Variants in MAP2 observed in about 807,000 individuals in gnomAD.
The protein encoded by MAP2 is microtubule associated protein 2.
A neutral mutation model predicts 137.6 loss-of-function variants in MAP2; 14 were observed. The observed-to-expected ratio is 0.10, with a 90% CI of 0.07 to 0.16. MAP2 has a LOEUF of 0.16. MAP2 is among the 10% of genes least tolerant of loss of function. The probability of loss-of-function intolerance (pLI) is 1.00; values close to 1 mark genes in which losing one functional copy is unlikely to be tolerated. For missense variants in MAP2, 2,088 were observed against 2,191.5 expected (o/e 0.95, Z 0.94); for synonymous variants, 786 against 782.3 (o/e 1.00, Z -0.08).
chr2:209,695,560 C>T lies in MAP2; in HGVS notation c.3390C>T (p.Ser1130=). The change falls in exon 8 of 16, where the codon TCC becomes TCT. Residue 1130 remains serine (S), a synonymous_variant. Transcript: ENST00000682079. ...AGGAGGCTGTAGACAAGGAGGAGTC[C>T]TATGAATCTAGTGGTGAGCATGAAA... The part of the protein sequence containing the change: ...VHQEAVDKEE[S]YESSGEHESL... 6.2e-7 allele frequency: 1 copy of T among 1,613,986 alleles called. No homozygotes were observed. The highest frequency in any genetic ancestry group is 2.2e-5 in the East Asian group (1 of 44,862).
chr2:209,524,305 TTTC>T (rs2063708822), intron 2 of MAP2, among the ~76,000 whole-genome samples: 1 of 152,110 alleles, frequency 6.6e-6, no homozygotes, highest in African/African-American at 2.4e-5. Context: ...GCAGAAGTAG[TTTC>T]TTTAGTCTTT....
intron 2 of MAP2, among the ~76,000 whole-genome samples, chr2:209,569,741 T>G (rs1226995223): frequency 6.6e-6 from 1 of 151,880 alleles, no homozygotes; most frequent in Non-Finnish European, 1.5e-5. Flanking sequence ...CATGATATGG[T>G]GTTTTCTCAT....
At chr2:209,453,412 AG>A (rs1700752014) in intron 1 of MAP2, among the ~76,000 whole-genome samples, 2 of 152,230 alleles carry the variant, frequency 1.3e-5, no homozygotes, top group South Asian at 4.1e-4. Context: ...TCCCCACTTA[AG>A]AAATAAAATA....
At chr2:209,512,235 A>G (rs373528417) in intron 2 of MAP2, among the ~76,000 whole-genome samples, 1 of 152,082 alleles carries the variant, frequency 6.6e-6, no homozygotes, top group South Asian at 2.1e-4. Flanking sequence ...TGATTATTAC[A>G]TATTGTATAC....
chr2:209,637,662 T>C (rs2093677701), intron 4 of MAP2, among the ~76,000 whole-genome samples: 1 of 152,078 alleles, frequency 6.6e-6, no homozygotes, highest in Non-Finnish European at 1.5e-5. Context: ...GGTCCCTTTT[T>C]CTCCTCACTT....
chr2:209,716,348 G>A (rs77731901), intron 13 of MAP2, among the ~76,000 whole-genome samples: 1,563 of 152,284 alleles, frequency 0.01, 20 homozygotes, highest in African/African-American at 0.036. Flanking sequence ...CATTCTTTTA[G>A]TGACACCGTT....
At chr2:209,575,540 A>G (rs1488471287) in intron 2 of MAP2, among the ~76,000 whole-genome samples, 1 of 150,912 alleles carries the variant, frequency 6.6e-6, no homozygotes, top group Admixed American at 6.6e-5. Context: ...AAAAAAAAAA[A>G]AAAATACATA....
intron 3 of MAP2, among the ~76,000 whole-genome samples, chr2:209,623,537 A>G (rs1046845124): frequency 1.3e-5 from 2 of 152,190 alleles, no homozygotes; most frequent in Admixed American, 1.3e-4. Context: ...TCTATCCAGC[A>G]TTCATTTGTT....
At chr2:209,576,973 A>C (rs1001713565) in intron 2 of MAP2, among the ~76,000 whole-genome samples, 14 of 152,214 alleles carry the variant, frequency 9.2e-5, no homozygotes, top group African/African-American at 3.4e-4. Context: ...TCCAGAGAGT[A>C]TTAAATGTTT....
intron 1 of MAP2, among the ~76,000 whole-genome samples, chr2:209,465,536 A>C (rs1703921548): frequency 6.6e-6 from 1 of 152,204 alleles, no homozygotes; most frequent in South Asian, 2.1e-4. Flanking sequence ...AGTTAATTTC[A>C]TGACTGTATA....
At chr2:209,449,305 C>T (rs771351247) in intron 1 of MAP2, among the ~76,000 whole-genome samples, 17 of 152,076 alleles carry the variant, frequency 1.1e-4, no homozygotes, top group African/African-American at 2.4e-4. Flanking sequence ...GCCCAACAGA[C>T]GCAGGCAGTT....
chr2:209,428,524 CCTTT>C (rs1199112871), intron 1 of MAP2, among the ~76,000 whole-genome samples: 6 of 151,312 alleles, frequency 4.0e-5, no homozygotes, highest in African/African-American at 1.2e-4. Context: ...TTAGATTGCT[CCTTT>C]CTTTCAGTTT....
intron 1 of MAP2, among the ~76,000 whole-genome samples, chr2:209,501,410 T>C (rs939870923): frequency 8.5e-5 from 13 of 152,168 alleles, no homozygotes; most frequent in African/African-American, 3.1e-4. Context: ...CATCACAATA[T>C]GATTTATAAT....
chr2:209,463,937 G>C (rs1703498210), intron 1 of MAP2, among the ~76,000 whole-genome samples: 1 of 152,128 alleles, frequency 6.6e-6, no homozygotes, highest in African/African-American at 2.4e-5. Flanking sequence ...GCTAGATTTA[G>C]AGTGGTTTAT....
chr2:209,594,936 G>A (rs527490225), intron 3 of MAP2, among the ~76,000 whole-genome samples: 139 of 152,256 alleles, frequency 9.1e-4, no homozygotes, highest in African/African-American at 2.6e-3. Flanking sequence ...AGAGTAACAA[G>A]TAAATGAAGA....
At chr2:209,461,644 T>G (rs1429870560) in intron 1 of MAP2, among the ~76,000 whole-genome samples, 1 of 152,280 alleles carries the variant, frequency 6.6e-6, no homozygotes, top group East Asian at 1.9e-4. Context: ...GAGACGGGGT[T>G]TCTCCATGTT....
At chr2:209,654,629 T>C (rs2095026114) in intron 5 of MAP2, among the ~76,000 whole-genome samples, 2 of 152,272 alleles carry the variant, frequency 1.3e-5, no homozygotes, top group Admixed American at 6.5e-5. Context: ...TATTTTTCTA[T>C]AGCTGAGTAT....
chr2:209,432,787 G>T (rs911018017), intron 1 of MAP2, among the ~76,000 whole-genome samples: 2 of 152,248 alleles, frequency 1.3e-5, no homozygotes, highest in East Asian at 3.9e-4. Flanking sequence ...GTGTCTTTAT[G>T]TGGTACAGGG....
chr2:209,472,901 A>G (rs990965546), intron 1 of MAP2, among the ~76,000 whole-genome samples: 2 of 152,192 alleles, frequency 1.3e-5, no homozygotes, highest in Non-Finnish European at 2.9e-5. Context: ...ATAGGAAAGA[A>G]CATAAGTGGA....
Sources: gnomAD v4.1 joint callset for allele counts (sites outside exome capture counted in the v4.1 genomes callset) on GRCh38, gnomAD v4.1.1 for gene constraint, MANE v1.5 for transcripts, NCBI Gene and HGNC (gene_info 2026-07-23, HGNC 2026-07-21) for gene names.